NDST4: variants seen among roughly 807,000 people sequenced by gnomAD.
NDST4 encodes the protein N-deacetylase and N-sulfotransferase 4, also known as N-heparan sulfate sulfotransferase 4.
In NDST4, 63 loss-of-function variants were observed where a neutral mutation model predicts 100.8. The ratio of observed to expected loss-of-function variants is 0.62; its 90% CI spans 0.51 to 0.77. The LOEUF (loss-of-function observed/expected upper bound fraction) is 0.77. NDST4 is among the 30% of genes least tolerant of loss of function. The pLI is 0.00. For synonymous variants in NDST4, 377 were observed against 361.8 expected, an observed-to-expected ratio of 1.04 and a Z score of -0.48; for missense variants, 943 against 1,018.4, an observed-to-expected ratio of 0.93 and a Z score of 1.01.
chr4:115,017,759 A>C (rs190539110), intron 2 of NDST4, among the ~76,000 whole-genome samples: 37 of 152,138 alleles, frequency 2.4e-4, no homozygotes, highest in Admixed American at 2.0e-3. Flanking sequence ...AATCATTAAT[A>C]AAAATGTCAT....
chr4:114,875,095 T>G (rs1724229998), intron 6 of NDST4, among the ~76,000 whole-genome samples: 1 of 152,158 alleles, frequency 6.6e-6, no homozygotes, highest in African/African-American at 2.4e-5. Context: ...AATGGATGAA[T>G]TGAAGAATAA....
intron 2 of NDST4, among the ~76,000 whole-genome samples, chr4:115,004,220 C>T (rs1269013748): frequency 6.6e-6 from 1 of 152,170 alleles, no homozygotes; most frequent in African/African-American, 2.4e-5. Flanking sequence ...AACTTAATTT[C>T]ATAACCAATT....
chr4:114,839,633 G>T, intron 10 of NDST4, 85 bp from the exon 11 acceptor site: 4 of 1,183,054 alleles, frequency 3.4e-6, no homozygotes, highest in South Asian at 1.5e-5. Flanking sequence ...GCACATGCAT[G>T]TGTGTGTTTG....
At chr4:114,851,192 C>G (rs1034921941) in intron 8 of NDST4, among the ~76,000 whole-genome samples, 1 of 152,076 alleles carries the variant, frequency 6.6e-6, no homozygotes, top group Admixed American at 6.6e-5. Flanking sequence ...TATTTGTGAC[C>G]CCCCTGCAGT....
intron 6 of NDST4, among the ~76,000 whole-genome samples, chr4:114,903,892 A>G (rs192924865): frequency 6.8e-4 from 104 of 152,104 alleles, no homozygotes; most frequent in Non-Finnish European, 4.4e-4. Flanking sequence ...ATGCATAGGA[A>G]TTTTTACTTC....
At chr4:114,956,052 A>T (rs1280695632) in intron 4 of NDST4, 1 of 152,266 alleles carries the variant, frequency 6.6e-6, no homozygotes, top group Non-Finnish European at 1.5e-5. Context: ...ACTCATAGAA[A>T]AGAAGCTGTA....
At chr4:114,845,133 C>G (rs913925591) in intron 10 of NDST4, among the ~76,000 whole-genome samples, 1 of 152,028 alleles carries the variant, frequency 6.6e-6, no homozygotes, top group Non-Finnish European at 1.5e-5. Flanking sequence ...AGTTCAAGAC[C>G]AGCCTGGGCA....
chr4:114,908,339 T>C (rs888528897), intron 6 of NDST4, among the ~76,000 whole-genome samples: 2 of 152,192 alleles, frequency 1.3e-5, no homozygotes, highest in Admixed American at 6.5e-5. Context: ...TTTATTTTTC[T>C]TTATTTTCAC....
At chr4:114,970,016 T>C (rs1726474116) in intron 4 of NDST4, among the ~76,000 whole-genome samples, 1 of 152,186 alleles carries the variant, frequency 6.6e-6, no homozygotes. Flanking sequence ...CTGATTGGAA[T>C]GAGATGGTAT....
chr4:115,038,000 C>T (rs1027897670), intron 2 of NDST4, among the ~76,000 whole-genome samples: 2 of 152,086 alleles, frequency 1.3e-5, no homozygotes, highest in South Asian at 2.1e-4. Flanking sequence ...AGGAAAAATC[C>T]GAAAGAGAGG....
Position 114,829,806 on chromosome 4 carries a change from G to A in NDST4, c.2483C>T (p.Pro828Leu). ...AATTATTACCTCTGGATCCATAGGT[G>A]GATATTTTCGGCCTTTGCTTTTTCC... ...CLGKSKGRKYPPMDPESRTFL... is the reference protein window; with the variant it reads ...CLGKSKGRKYLPMDPESRTFL... The change falls in exon 13 of 14, where the codon CCA (proline) becomes CTA (leucine). Residue 828 changes from proline to leucine, a missense_variant. Pro to Leu is a moderately conservative substitution (Grantham distance 98). This residue lies in a region of NDST4 where 526 missense variants were observed against 634.1 expected (regional missense o/e 0.83). Coordinates refer to ENST00000264363, the MANE Select transcript of NDST4 (RefSeq NM_022569.3). 1 of 1,609,984 alleles carries A rather than the reference G, an allele frequency of 6.2e-7. No individual in the cohort carries two copies. The highest frequency in any genetic ancestry group is 8.5e-7 in the Non-Finnish European group (1 of 1,178,706).
chr4:114,982,487 G>A (rs955730936), intron 2 of NDST4, among the ~76,000 whole-genome samples: 23 of 152,140 alleles, frequency 1.5e-4, no homozygotes, highest in African/African-American at 4.6e-4. Context: ...AAGGGCGTCT[G>A]GAGGAACAAA....
intron 2 of NDST4, among the ~76,000 whole-genome samples, chr4:114,994,499 A>C (rs1242009903): frequency 6.6e-6 from 1 of 152,006 alleles, no homozygotes; most frequent in Non-Finnish European, 1.5e-5. Context: ...TATGGGATGA[A>C]TGCTAGTAGC....
intron 6 of NDST4, among the ~76,000 whole-genome samples, chr4:114,927,170 T>A (rs1223086607): frequency 6.6e-6 from 1 of 151,956 alleles, no homozygotes; most frequent in Admixed American, 6.6e-5. Context: ...TAATTATAGA[T>A]TAGATCCAAA....
At chr4:114,889,336 A>G (rs1724544671) in intron 6 of NDST4, among the ~76,000 whole-genome samples, 1 of 152,200 alleles carries the variant, frequency 6.6e-6, no homozygotes, top group African/African-American at 2.4e-5. Flanking sequence ...GGTGATGAAT[A>G]TACAAATTAT....
intron 2 of NDST4, among the ~76,000 whole-genome samples, chr4:115,015,618 A>G (rs1353258243): frequency 1.3e-5 from 2 of 152,206 alleles, no homozygotes; most frequent in East Asian, 3.9e-4. Flanking sequence ...TTTGTATTCC[A>G]TATGAACGTT....
At chr4:115,016,549 G>C (rs922727640) in intron 2 of NDST4, among the ~76,000 whole-genome samples, 1 of 152,100 alleles carries the variant, frequency 6.6e-6, no homozygotes, top group African/African-American at 2.4e-5. Flanking sequence ...AATGAAGACT[G>C]CCACTTGACC....
chr4:114,971,235 A>G (rs1480800885), intron 3 of NDST4, among the ~76,000 whole-genome samples: 2 of 152,094 alleles, frequency 1.3e-5, no homozygotes, highest in East Asian at 3.8e-4. Flanking sequence ...TTTAATATAA[A>G]TATTTCATAA....
chr4:115,079,203 T>A (rs1426291986), intron 1 of NDST4, among the ~76,000 whole-genome samples: 1 of 151,532 alleles, frequency 6.6e-6, no homozygotes, highest in Non-Finnish European at 1.5e-5. Context: ...AGTACAAAAA[T>A]TAGCTGGGTG....
Sources: gnomAD v4.1 joint callset for allele counts (sites outside exome capture counted in the v4.1 genomes callset) on GRCh38, gnomAD v4.1.1 for gene constraint, gnomAD v4.1.1 regional missense constraint, MANE v1.5 for transcripts, NCBI Gene and HGNC (gene_info 2026-07-23, HGNC 2026-07-21) for gene names.